Variants in CDC42BPB observed in about 807,000 individuals in gnomAD.
The protein encoded by CDC42BPB is serine/threonine-protein kinase MRCK beta.
Under a neutral mutation model 214.9 loss-of-function variants are expected in CDC42BPB, and 37 were observed. The observed-to-expected ratio is 0.17, with a 90% CI of 0.13 to 0.23. The LOEUF is 0.23. Among genes scored for constraint, CDC42BPB ranks in the 10% least tolerant of loss-of-function variants. The pLI is 1.00. For synonymous variants in CDC42BPB, 931 were observed against 884.0 expected (o/e 1.05, Z -0.94); for missense variants, 1,694 against 2,227.0 (o/e 0.76, Z 4.82).
intron 1 of CDC42BPB, among the ~76,000 whole-genome samples, chr14:103,038,963 GAAGTA>G (rs1344976293): frequency 1.3e-5 from 2 of 152,092 alleles, no homozygotes; most frequent in Admixed American, 6.6e-5. Context: ...GACATTAACA[GAAGTA>G]AAGAAGATTA....
intron 29 of CDC42BPB, chr14:102,945,283 C>A (rs142254629): frequency 2.2e-6 from 1 of 461,682 alleles, no homozygotes; most frequent in Non-Finnish European, 4.3e-6. Context: ...GGCTGTGGAG[C>A]GGGTGCATGC....
At chr14:102,934,760 C>T (rs1042965748) in intron 36 of CDC42BPB, among the ~76,000 whole-genome samples, 3 of 151,958 alleles carry the variant, frequency 2.0e-5, no homozygotes, top group Non-Finnish European at 4.4e-5. Flanking sequence ...ACCTGTAATC[C>T]CAGCACTTTG....
intron 1 of CDC42BPB, among the ~76,000 whole-genome samples, chr14:103,055,377 C>T (rs1464273817): frequency 6.6e-6 from 1 of 152,328 alleles, no homozygotes; most frequent in Admixed American, 6.5e-5. Flanking sequence ...GAGCCAAGAT[C>T]ATGCCACTGC....
intron 21 of CDC42BPB, among the ~76,000 whole-genome samples, chr14:102,956,956 A>G (rs1054651395): frequency 1.4e-5 from 2 of 146,178 alleles, no homozygotes; most frequent in Admixed American, 7.1e-5. Context: ...AGGTGGGTGG[A>G]TCACCTGAGG....
Position 103,057,273 on chromosome 14 carries a change from C to T in CDC42BPB, c.-100G>A. ...GGGGCTCGGCGGCTGCGAGCCCCGG[C>T]AGCAGCGGCGCCTCCTCGCCGCCCC... On this transcript the variant is annotated 5_prime_UTR_variant, in exon 1 of 37. Transcript: ENST00000361246. 1 of 1,146,198 alleles carries T rather than the reference C, an allele frequency of 8.7e-7. No individual in the cohort carries two copies. The highest frequency in any genetic ancestry group is 3.6e-4 in the Middle Eastern group (1 of 2,762). 71.0% of individuals were successfully genotyped at this position (1,146,198 alleles called of 1,614,324 possible). A position where few individuals can be genotyped will look rare whatever the true frequency, so the allele number is the denominator to read the frequency against.
At chr14:102,983,922 C>T in intron 6 of CDC42BPB, 166 bp from the exon 7 acceptor site, 1 of 984,364 alleles carries the variant, frequency 1.0e-6, no homozygotes, top group Non-Finnish European at 1.2e-6. Flanking sequence ...GAGTATAGTG[C>T]CTCGAGCCTG....
At chr14:103,047,630 A>G (rs1310419954) in intron 1 of CDC42BPB, among the ~76,000 whole-genome samples, 1 of 152,200 alleles carries the variant, frequency 6.6e-6, no homozygotes, top group African/African-American at 2.4e-5. Context: ...TCAGCCAGGC[A>G]TGGTGACTCA....
chr14:102,942,825 C>T (rs1402502450), intron 30 of CDC42BPB, among the ~76,000 whole-genome samples: 1 of 152,180 alleles, frequency 6.6e-6, no homozygotes, highest in East Asian at 1.9e-4. Flanking sequence ...CTGTCTCAGC[C>T]TCCTGAGTAG....
In CDC42BPB at chr14:102,986,601, C is replaced by T. The variant is rs35915337; in HGVS notation, c.597-21G>A. ...TGTCTCTGTTTGTAAAATAAACACA[C>T]AAATTAACCATCTCCATGCAACACA... On this transcript the variant is annotated intron_variant, in intron 5 of 36. Coordinates refer to ENST00000361246, the MANE Select transcript of CDC42BPB (RefSeq NM_006035.4). 3.5e-4 allele frequency: 569 copies of T among 1,608,720 alleles called. 1 individual carries two copies. In the African/African-American group the frequency reaches 6.7e-3, roughly 19 times the overall value.
chr14:102,976,744 T>C (rs907885275), intron 9 of CDC42BPB, among the ~76,000 whole-genome samples: 2 of 152,220 alleles, frequency 1.3e-5, no homozygotes, highest in African/African-American at 2.4e-5. Flanking sequence ...TGGTCAGTGT[T>C]TCTCCACAGG....
intron 1 of CDC42BPB, among the ~76,000 whole-genome samples, chr14:103,022,120 T>TG (rs1566909334): frequency 1.3e-5 from 2 of 151,894 alleles, no homozygotes; most frequent in African/African-American, 2.4e-5. Flanking sequence ...GACAGAACCC[T>TG]GGGGGGCTTC....
intron 30 of CDC42BPB, among the ~76,000 whole-genome samples, chr14:102,942,392 T>C (rs1216956976): frequency 6.6e-6 from 1 of 152,044 alleles, no homozygotes; most frequent in Non-Finnish European, 1.5e-5. Context: ...GACAAAGGGG[T>C]TTAGCTTCAG....
At chr14:102,965,854 G>C (rs35559293) in intron 18 of CDC42BPB, among the ~76,000 whole-genome samples, 9 of 152,216 alleles carry the variant, frequency 5.9e-5, no homozygotes, top group South Asian at 2.1e-4. Context: ...TACTCGGGGG[G>C]GCTGAGGCAG....
At chr14:102,940,403 G>C in intron 30 of CDC42BPB, 79 bp from the exon 31 acceptor site, 3 of 1,543,024 alleles carry the variant, frequency 1.9e-6, no homozygotes, top group Non-Finnish European at 2.6e-6. Flanking sequence ...GCCAAGCCTT[G>C]GCACTTGAAC....
chr14:103,016,819 C>T (rs867506516), intron 1 of CDC42BPB, among the ~76,000 whole-genome samples: 1 of 116,712 alleles, frequency 8.6e-6, no homozygotes, highest in Non-Finnish European at 1.8e-5. Context: ...CTCTGTCTAC[C>T]GAAGAGTATC....
intron 3 of CDC42BPB, among the ~76,000 whole-genome samples, chr14:103,006,255 A>G (rs935491442): frequency 2.6e-5 from 4 of 152,210 alleles, no homozygotes; most frequent in African/African-American, 9.6e-5. Context: ...ACGCGCCCCC[A>G]AAAAGAAATG....
At chr14:102,959,806 T>C in intron 20 of CDC42BPB, 96 bp from the exon 21 acceptor site, 2 of 1,405,778 alleles carry the variant, frequency 1.4e-6, no homozygotes, top group African/African-American at 3.1e-5. Context: ...CAATTCTCCT[T>C]GAGTAACTGA....
chr14:103,057,123 C>A lies in CDC42BPB; in HGVS notation c.51G>T (p.Gly17=). 1 of 1,518,198 alleles carries A rather than the reference C, an allele frequency of 6.6e-7. No individual in the cohort carries two copies. Among genetic ancestry groups the A allele is most frequent in the Non-Finnish European group, 8.8e-7 (1 of 1,138,790 alleles). 94.0% of individuals were successfully genotyped at this position (1,518,198 alleles called of 1,614,324 possible). A position where few individuals can be genotyped will look rare whatever the true frequency, so the allele number is the denominator to read the frequency against. ...LKKLEQLLLD[G]PWRNESALSV... ...TCAGGGCGCTCTCGTTGCGCCAGGGCCCGTCCAGGAGCAGCTGCTCCAGCT... is the reference window on the plus strand; with the variant it reads ...TCAGGGCGCTCTCGTTGCGCCAGGGACCGTCCAGGAGCAGCTGCTCCAGCT... The change falls in exon 1 of 37, where the codon GGG becomes GGT. Residue 17 remains glycine (G), a synonymous_variant. Transcript: ENST00000361246.
chr14:102,946,265 C>T (rs1033165650), intron 28 of CDC42BPB, among the ~76,000 whole-genome samples: 7 of 152,152 alleles, frequency 4.6e-5, no homozygotes, highest in African/African-American at 1.4e-4. Context: ...CCTTGTGATC[C>T]GCCCGCCTTG....
Sources: gnomAD v4.1 joint callset for allele counts (sites outside exome capture counted in the v4.1 genomes callset) on GRCh38, gnomAD v4.1.1 for gene constraint, MANE v1.5 for transcripts, NCBI Gene and HGNC (gene_info 2026-07-23, HGNC 2026-07-21) for gene names.